KCNQ1: variants seen among roughly 807,000 people sequenced by gnomAD.
KCNQ1 encodes the protein potassium voltage-gated channel subfamily KQT member 1.
A neutral mutation model predicts 72.4 loss-of-function variants in KCNQ1; 49 were observed. The ratio of observed to expected loss-of-function variants is 0.68; its 90% CI spans 0.54 to 0.86. KCNQ1 has a LOEUF of 0.86. Ranked by LOEUF, KCNQ1 falls within the 40% of genes least tolerant of loss-of-function variation. KCNQ1 has a pLI of 0.00. For missense variants in KCNQ1, 790 were observed against 945.1 expected, an observed-to-expected ratio of 0.84 and a Z score of 2.15; for synonymous variants, 450 against 412.6, an observed-to-expected ratio of 1.09 and a Z score of -1.10.
intron 11 of KCNQ1, among the ~76,000 whole-genome samples, chr11:2,729,731 A>G (rs932468313): frequency 7.2e-5 from 11 of 152,262 alleles, no homozygotes; most frequent in African/African-American, 2.4e-4. Flanking sequence ...ACCATTTCGT[A>G]TCGGGGGCTT....
intron 11 of KCNQ1, among the ~76,000 whole-genome samples, chr11:2,757,233 G>A (rs1452436663): frequency 6.6e-6 from 1 of 152,062 alleles, no homozygotes; most frequent in African/African-American, 2.4e-5. Flanking sequence ...AAAAATATCT[G>A]GAACTTAGGA....
At position 2,673,159 on chromosome 11, in the gene KCNQ1, C is replaced by T. The variant is rs537629719; in HGVS notation, c.1514+11078C>T. Reference sequence around the variant, plus strand: ...GTGCTGACCATCCCTGACCCAAGCACGAGGATCAGAATGGGCCCTGGAGCC... The same window carrying T: ...GTGCTGACCATCCCTGACCCAAGCATGAGGATCAGAATGGGCCCTGGAGCC... On this transcript the variant is annotated intron_variant, in intron 11 of 15. Transcript: ENST00000155840. This position sits in a 1 kb window ranked among gnomAD's most constrained non-coding sequence, Gnocchi z 4.5. 9 of 398,578 alleles carry T rather than the reference C, an allele frequency of 2.3e-5. No individual in the cohort carries two copies. The highest frequency in any genetic ancestry group is 4.0e-5 in the Non-Finnish European group (9 of 226,150). 24.7% of individuals were successfully genotyped at this position (398,578 alleles called of 1,614,324 possible). A position where few individuals can be genotyped will look rare whatever the true frequency, so the allele number is the denominator to read the frequency against.
chr11:2,523,751 GTTTTTTTTT>G (rs59766245), intron 1 of KCNQ1, among the ~76,000 whole-genome samples: 44 of 115,144 alleles, frequency 3.8e-4, no homozygotes, highest in Non-Finnish European at 6.5e-4. Flanking sequence ...GAAGTTTACA[GTTTTTTTTT>G]TTTTTTTTTT....
In KCNQ1 at chr11:2,786,435, C is replaced by T. The variant is rs116211038; in HGVS notation, c.1794+8398C>T. Among the ~76,000 whole-genome samples, 1,113 of 152,174 alleles carry T rather than the reference C, an allele frequency of 7.3e-3. 13 individuals are homozygous for T. The highest frequency in any genetic ancestry group is 0.026 in the African/African-American group (1,067 of 41,536). On this transcript the variant is annotated intron_variant, in intron 15 of 15. Coordinates refer to ENST00000155840, the MANE Select transcript of KCNQ1 (RefSeq NM_000218.3). ...GGTTTCTTTTTTTCTGCCTGAGCTA[C>T]CTTACTCAGTGGTTTGGTGTCTTTC... is the stretch of plus-strand genomic sequence containing the variant.
chr11:2,699,009 C>A (rs747248245), intron 11 of KCNQ1: 7 of 398,524 alleles, frequency 1.8e-5, no homozygotes, highest in Non-Finnish European at 2.7e-5. Flanking sequence ...CGGGCCCTGA[C>A]TCAGAACCAC....
intron 1 of KCNQ1, among the ~76,000 whole-genome samples, chr11:2,504,861 G>A (rs1364143403): frequency 2.0e-5 from 3 of 152,084 alleles, no homozygotes; most frequent in Admixed American, 6.5e-5. Context: ...ATTATGTACT[G>A]TCTGTCTATG....
At chr11:2,517,159 C>T (rs539503908) in intron 1 of KCNQ1, among the ~76,000 whole-genome samples, 16 of 152,300 alleles carry the variant, frequency 1.1e-4, no homozygotes, top group African/African-American at 4.8e-5. Context: ...CGGGGCCAGC[C>T]CTCATCCCCA....
In KCNQ1 at chr11:2,608,441, G is replaced by C; in HGVS notation, c.1393+19587G>C. ...TTCCTTCATAATCCTTTTTATTTCT[G>C]TCAGGTTGGTAGTATACTTCCCTCA... On this transcript the variant is annotated intron_variant, in intron 10 of 15. Coordinates refer to ENST00000155840, the MANE Select transcript of KCNQ1 (RefSeq NM_000218.3). This position sits in a 1 kb window ranked among gnomAD's most constrained non-coding sequence, Gnocchi z 4.6. 2.5e-6 allele frequency: 1 copy of C among 398,288 alleles called. No homozygotes were observed. Among genetic ancestry groups the C allele is most frequent in the Non-Finnish European group, 4.4e-6 (1 of 225,992 alleles). The allele number at this position is 398,288 out of a possible 1,614,324, so 24.7% of individuals were successfully genotyped here.
rs575231995 is a variant in KCNQ1, at chr11:2,579,685, T to C, written c.922-3750T>C. Reference sequence around the variant, plus strand: ...CTGGAGCTGCGTCCTGCTGTATGTGTGCTCTCCACGGTGGGCAGACACCCA... The same window carrying C: ...CTGGAGCTGCGTCCTGCTGTATGTGCGCTCTCCACGGTGGGCAGACACCCA... On this transcript the variant is annotated intron_variant, in intron 6 of 15. Coordinates refer to ENST00000155840, the MANE Select transcript of KCNQ1 (RefSeq NM_000218.3). This position sits in a 1 kb window ranked among gnomAD's most constrained non-coding sequence, Gnocchi z 6.0. Among the ~76,000 whole-genome samples the C allele has an allele frequency of 6.6e-6, 1 of 152,256 alleles. No homozygotes were observed. The highest frequency in any genetic ancestry group is 1.9e-4 in the East Asian group (1 of 5,162).
chr11:2,771,634 A>G (rs1392190592), intron 12 of KCNQ1: 1 of 152,226 alleles, frequency 6.6e-6, no homozygotes, highest in Non-Finnish European at 1.5e-5. Context: ...CTTGTCAGTG[A>G]CCTGTGTTCC....
rs1590025742 is a variant in KCNQ1, at chr11:2,677,135, C to T, written c.1514+15054C>T. On this transcript the variant is annotated intron_variant, in intron 11 of 15. Transcript: ENST00000155840. The surrounding 1 kb of genome is among the most constrained non-coding windows in gnomAD (Gnocchi z 4.5). ...ATTAGTTTCCCTGAAACATCCCTCC[C>T]TATTGAACACTGTTGTTTCTCCCTA... 2.5e-6 allele frequency: 1 copy of T among 398,596 alleles called. No homozygotes were observed. The highest frequency in any genetic ancestry group is 3.6e-5 in the East Asian group (1 of 28,074). The allele number at this position is 398,596 out of a possible 1,614,324, so 24.7% of individuals were successfully genotyped here. A position where few individuals can be genotyped will look rare whatever the true frequency, so the allele number is the denominator to read the frequency against.
In KCNQ1 at chr11:2,445,138, C is replaced by T. The variant is rs199473444; in HGVS notation, c.40C>T (p.Arg14Cys). Residue 14 changes from arginine (R) to cysteine (C), a missense_variant, in exon 1 of 16, where the codon CGC becomes TGC. Coordinates refer to ENST00000155840, the MANE Select transcript of KCNQ1 (RefSeq NM_000218.3). The stretch of plus-strand genomic sequence containing the variant: ...CTCCCCGCCCAGGGCCGAGAGGAAG[C>T]GCTGGGGTTGGGGCCGCCTGCCAGG... ...ASSPPRAERK[R>C]WGWGRLPGAR... The T allele has an allele frequency of 6.2e-6, 7 of 1,123,448 alleles. No individual in the cohort carries two copies. The highest frequency in any genetic ancestry group is 7.6e-6 in the Non-Finnish European group (7 of 916,046). 69.6% of individuals were successfully genotyped at this position (1,123,448 alleles called of 1,614,324 possible).
Position 2,500,103 on chromosome 11 carries a change from T to C in KCNQ1, c.387-27825T>C, listed in dbSNP as rs982386094. 2.6e-5 allele frequency among the ~76,000 whole-genome samples: 4 copies of C among 152,180 alleles called. No individual in the cohort carries two copies. The East Asian group carries it at 5.8e-4, about 22-fold the overall frequency. On this transcript the variant is annotated intron_variant, in intron 1 of 15. Transcript: ENST00000155840. Reference sequence around the variant, plus strand: ...GTCAAGGAAGAAATTAAGAAGGAAATTGAAAATTTTATTGAAATAAATTAC... The same window carrying C: ...GTCAAGGAAGAAATTAAGAAGGAAACTGAAAATTTTATTGAAATAAATTAC...
rs1847151125 is a variant in KCNQ1 at position 2,509,107 on chromosome 11, C to G, written c.387-18821C>G. ...AAATTAGTACAACACATGCCCCATA[C>G]TGGGGAATTTGGGGGTCCCTGGGGG... On this transcript the variant is annotated intron_variant, in intron 1 of 15. Transcript: ENST00000155840. This position sits in a 1 kb window ranked among gnomAD's most constrained non-coding sequence, Gnocchi z 6.3. Among the ~76,000 whole-genome samples, 2 of 152,188 alleles carry G rather than the reference C, an allele frequency of 1.3e-5. No homozygotes were observed. Among genetic ancestry groups the G allele is most frequent in the Admixed American group, 6.5e-5 (1 of 15,284 alleles).
chr11:2,539,555 A>T (rs111655717), intron 2 of KCNQ1, among the ~76,000 whole-genome samples: 9,522 of 152,196 alleles, frequency 0.063, 381 homozygotes, highest in Non-Finnish European at 0.091. Flanking sequence ...GTGCTGGCCG[A>T]AGGGAACACC....
At chr11:2,688,072 CTAGGG>C (rs1174561894) in intron 11 of KCNQ1, 1 of 398,824 alleles carries the variant, frequency 2.5e-6, no homozygotes, top group East Asian at 3.6e-5. Flanking sequence ...GTTGGTGCTT[CTAGGG>C]CCTGGGTATG....
chr11:2,646,753 C>G lies in KCNQ1; in HGVS notation c.1394-15208C>G, dbSNP rs571773630. The G allele has an allele frequency of 7.9e-4, 313 of 398,570 alleles. 2 individuals are homozygous for G. Among genetic ancestry groups the G allele is most frequent in the Non-Finnish European group, 1.2e-4 (28 of 226,060 alleles). The allele number at this position is 398,570 out of a possible 1,614,324, so 24.7% of individuals were successfully genotyped here. ...ACAGTCTCAAACTCCTGGGCTCAAGCAATCCACCCGCCTCATCCTTTCAAA... is the reference window on the plus strand; with the variant it reads ...ACAGTCTCAAACTCCTGGGCTCAAGGAATCCACCCGCCTCATCCTTTCAAA... On this transcript the variant is annotated intron_variant, in intron 10 of 15. Coordinates refer to ENST00000155840, the MANE Select transcript of KCNQ1 (RefSeq NM_000218.3).
In KCNQ1 at chr11:2,719,354, T is replaced by C. The variant is rs117178527; in HGVS notation, c.1515-49490T>C. Among the ~76,000 whole-genome samples, 907 of 128,722 alleles carry C rather than the reference T, an allele frequency of 7.0e-3. 12 individuals are homozygous for C. The highest frequency in any genetic ancestry group is 0.019 in the Admixed American group (240 of 12,822). The allele number at this position is 128,722 out of a possible 152,430, so 84.4% of individuals were successfully genotyped here. On this transcript the variant is annotated intron_variant, in intron 11 of 15. Transcript: ENST00000155840. The stretch of plus-strand genomic sequence containing the variant: ...ACCAAAAAAAAAAAAAAAAGAGCCA[T>C]ACAAGGTGGTGCGTGCCTGTGGTCC...
At position 2,471,653 on chromosome 11, in the gene KCNQ1, T is replaced by TATGGGTGTGTGC. The variant is rs1564790400; in HGVS notation, c.386+26179_386+26190dup. ...ATGCACGGATGTGTGTACACATGTG[T>TATGGGTGTGTGC]ATGGGTGTGTGCATGGGTGTGCACA... On this transcript the variant is annotated intron_variant, in intron 1 of 15. Coordinates refer to ENST00000155840, the MANE Select transcript of KCNQ1 (RefSeq NM_000218.3). The surrounding 1 kb of genome is among the most constrained non-coding windows in gnomAD (Gnocchi z 4.8). Among the ~76,000 whole-genome samples, 2 of 151,750 alleles carry TATGGGTGTGTGC rather than the reference T, an allele frequency of 1.3e-5. No homozygotes were observed. Among genetic ancestry groups the TATGGGTGTGTGC allele is most frequent in the East Asian group, 3.9e-4 (2 of 5,158 alleles).
Sources: allele counts gnomAD v4.1 joint callset (sites outside exome capture counted in the v4.1 genomes callset), GRCh38; gene constraint gnomAD v4.1.1; non-coding constraint Gnocchi (gnomAD v3.1); transcripts MANE v1.5; gene names NCBI Gene and HGNC (gene_info 2026-07-23, HGNC 2026-07-21).